The following MGAT4C variants were observed in gnomAD, a reference collection of about 807,000 sequenced individuals.
MGAT4C encodes the protein MGAT4 family member C, also known as alpha-1,3-mannosyl-glycoprotein 4-beta-N-acetylglucosaminyltransferase C.
In MGAT4C, 19 loss-of-function variants were observed where a neutral mutation model predicts 40.1. The ratio of observed to expected loss-of-function variants is 0.47; its 90% CI spans 0.33 to 0.70. The LOEUF is 0.70. MGAT4C is among the 30% of genes least tolerant of loss of function. The pLI, the probability that MGAT4C is intolerant of heterozygous loss-of-function variation, is 0.02. For missense variants in MGAT4C, 491 were observed against 563.2 expected, an observed-to-expected ratio of 0.87 and a Z score of 1.30; for synonymous variants, 181 against 187.1, an observed-to-expected ratio of 0.97 and a Z score of 0.27.
At chr12:86,572,068 T>TA (rs1270496954) in intron 2 of MGAT4C, among the ~76,000 whole-genome samples, 1 of 152,122 alleles carries the variant, frequency 6.6e-6, no homozygotes, top group African/African-American at 2.4e-5. Flanking sequence ...CATTTGAACT[T>TA]AGATATGCAT....
intron 3 of MGAT4C, among the ~76,000 whole-genome samples, chr12:86,421,283 C>A (rs1451502996): frequency 6.6e-6 from 1 of 152,054 alleles, no homozygotes; most frequent in African/African-American, 2.4e-5. Context: ...TTGTTCTACC[C>A]CTTGCTGGTA....
chr12:86,826,514 A>C (rs1367896178), intron 1 of MGAT4C, among the ~76,000 whole-genome samples: 1 of 151,562 alleles, frequency 6.6e-6, no homozygotes, highest in Admixed American at 6.6e-5. Context: ...TGTTTCAATG[A>C]TGCCATCACA....
chr12:86,465,697 T>C (rs963098022), intron 2 of MGAT4C, among the ~76,000 whole-genome samples: 4 of 152,114 alleles, frequency 2.6e-5, no homozygotes, highest in African/African-American at 4.8e-5. Context: ...GCAAGCCTAT[T>C]AGATGGTCAA....
intron 2 of MGAT4C, among the ~76,000 whole-genome samples, chr12:86,007,696 C>G (rs558137490): frequency 1.7e-4 from 26 of 151,938 alleles, no homozygotes; most frequent in Non-Finnish European, 3.4e-4. Flanking sequence ...CAAAGGTGAA[C>G]AGTATTTTTC....
chr12:86,667,384 A>G (rs186579904), intron 2 of MGAT4C, among the ~76,000 whole-genome samples: 1 of 152,292 alleles, frequency 6.6e-6, no homozygotes, highest in Admixed American at 6.5e-5. Flanking sequence ...TAATTTCGAG[A>G]CAGTAGGACA....
At chr12:86,508,971 A>G (rs1367114307) in intron 2 of MGAT4C, among the ~76,000 whole-genome samples, 1 of 151,716 alleles carries the variant, frequency 6.6e-6, no homozygotes, top group Admixed American at 6.6e-5. Context: ...CCTTTGTCAG[A>G]TGAGTTAGGT....
chr12:86,590,748 A>G (rs1415112262), intron 2 of MGAT4C, among the ~76,000 whole-genome samples: 1 of 152,066 alleles, frequency 6.6e-6, no homozygotes, highest in Non-Finnish European at 1.5e-5. Flanking sequence ...ATTTTAACCT[A>G]GATTGAATTC....
At chr12:86,324,692 G>A (rs950431564) in intron 4 of MGAT4C, among the ~76,000 whole-genome samples, 3 of 151,696 alleles carry the variant, frequency 2.0e-5, no homozygotes, top group Middle Eastern at 3.2e-3. Context: ...ATAGAGAAAC[G>A]AGAGTTGTTT....
chr12:86,070,919 T>C (rs751146628), intron 1 of MGAT4C, among the ~76,000 whole-genome samples: 1 of 152,074 alleles, frequency 6.6e-6, no homozygotes, highest in Non-Finnish European at 1.5e-5. Context: ...TGGAAGAGTA[T>C]GTAATGCTTT....
chr12:86,733,501 T>C (rs1238697373), intron 1 of MGAT4C, among the ~76,000 whole-genome samples: 2 of 152,078 alleles, frequency 1.3e-5, no homozygotes, highest in Non-Finnish European at 2.9e-5. Context: ...GGGTCTGTGA[T>C]TGTGATAAGA....
intron 2 of MGAT4C, among the ~76,000 whole-genome samples, chr12:86,588,534 A>G (rs1961170616): frequency 6.6e-6 from 1 of 152,044 alleles, no homozygotes; most frequent in South Asian, 2.1e-4. Flanking sequence ...AATTGAACTC[A>G]GCTCGGCACC....
At chr12:86,610,737 CT>C (rs1436034576) in intron 2 of MGAT4C, among the ~76,000 whole-genome samples, 98 of 146,580 alleles carry the variant, frequency 6.7e-4, no homozygotes, top group African/African-American at 2.3e-3. Flanking sequence ...TCCCACCCCC[CT>C]CCCCCTACCC....
intron 1 of MGAT4C, among the ~76,000 whole-genome samples, chr12:86,099,514 CAAAT>C (rs1455511845): frequency 1.7e-4 from 26 of 151,150 alleles, no homozygotes; most frequent in Non-Finnish European, 3.4e-4. Context: ...AAGAAAGAAA[CAAAT>C]AACTCCATCA....
chr12:85,989,004 T>C (rs552716437), intron 3 of MGAT4C, among the ~76,000 whole-genome samples: 4 of 152,158 alleles, frequency 2.6e-5, no homozygotes, highest in Non-Finnish European at 5.9e-5. Flanking sequence ...CAATGGAATT[T>C]TGAAAATTTC....
intron 1 of MGAT4C, among the ~76,000 whole-genome samples, chr12:86,211,888 G>C (rs942490741): frequency 6.6e-6 from 1 of 151,932 alleles, no homozygotes; most frequent in Non-Finnish European, 1.5e-5. Flanking sequence ...TGTCTACCAA[G>C]ATAGAATCAT....
intron 1 of MGAT4C, among the ~76,000 whole-genome samples, chr12:86,244,024 T>G (rs1486814497): frequency 6.6e-6 from 1 of 152,154 alleles, no homozygotes; most frequent in Non-Finnish European, 1.5e-5. Context: ...GCTGGTGGTG[T>G]TTGTCATTTT....
chr12:86,764,034 C>T (rs145979956), intron 1 of MGAT4C, among the ~76,000 whole-genome samples: 1,952 of 152,112 alleles, frequency 0.013, 40 homozygotes, highest in African/African-American at 0.045. Context: ...GTGGGTGCAC[C>T]GTGCATGAGC....
chr12:86,048,875 T>G (rs1295252731), intron 2 of MGAT4C, among the ~76,000 whole-genome samples: 1 of 152,044 alleles, frequency 6.6e-6, no homozygotes, highest in African/African-American at 2.4e-5. Flanking sequence ...TTTTCATTAA[T>G]AAATGGAATC....
intron 1 of MGAT4C, among the ~76,000 whole-genome samples, chr12:86,133,202 CAT>C (rs1881485787): frequency 6.6e-6 from 1 of 152,196 alleles, no homozygotes; most frequent in African/African-American, 2.4e-5. Flanking sequence ...TTAGAAAGCA[CAT>C]GTTAAGTAAT....
Sources: allele counts gnomAD v4.1 joint callset (sites outside exome capture counted in the v4.1 genomes callset), GRCh38; gene constraint gnomAD v4.1.1; transcripts MANE v1.5; gene names NCBI Gene and HGNC (gene_info 2026-07-23, HGNC 2026-07-21).